The following ZFYVE28 variants were observed in gnomAD, a reference collection of about 807,000 sequenced individuals.
The protein encoded by ZFYVE28 is zinc finger FYVE-type containing 28.
In ZFYVE28, 40 loss-of-function variants were observed where a neutral mutation model predicts 82.1. The observed-to-expected ratio is 0.49, with a 90% CI of 0.38 to 0.63. The LOEUF (loss-of-function observed/expected upper bound fraction) is 0.63. ZFYVE28 is among the 30% of genes least tolerant of loss of function. ZFYVE28 has a pLI of 0.00. For synonymous variants in ZFYVE28, 612 were observed against 546.1 expected, an observed-to-expected ratio of 1.12 and a Z score of -1.68; for missense variants, 1,321 against 1,242.1, an observed-to-expected ratio of 1.06 and a Z score of -0.96.
At position 2,305,113 on chromosome 4, in the gene ZFYVE28, C is replaced by G; in HGVS notation, c.1227G>C (p.Thr409=). 6.3e-7 allele frequency: 1 copy of G among 1,597,868 alleles called. No individual in the cohort carries two copies. The highest frequency in any genetic ancestry group is 8.5e-7 in the Non-Finnish European group (1 of 1,171,404). The change falls in exon 8 of 13, where the codon ACG becomes ACC. Residue 409 remains threonine (T), a synonymous_variant. Coordinates refer to ENST00000290974, the MANE Select transcript of ZFYVE28 (RefSeq NM_020972.3). ...RVFFMDDVEG[T]AEALARPESP... is the part of the protein sequence containing the mutation. ...ACTCGGGCCTGGCCAGGGCTTCTGC[C>G]GTCCCCTCCACGTCATCCATGAAGA... is the stretch of plus-strand genomic sequence containing the variant.
chr4:2,303,764 A>G (rs28450450), intron 8 of ZFYVE28, among the ~76,000 whole-genome samples: 6,761 of 152,266 alleles, frequency 0.044, 486 homozygotes, highest in African/African-American at 0.15. Flanking sequence ...GGGTGGTCTC[A>G]GCACCCCTCA....
rs185891805 is a variant in ZFYVE28, at chr4:2,313,161, A to C, written c.803+7009T>G. ...ACCTGGCTCACTAAAGTCAGAGTAC[A>C]TATTATGAATACTTTCTGTCTTTGA... On this transcript the variant is annotated intron_variant, in intron 7 of 12. Transcript: ENST00000290974. Among the ~76,000 whole-genome samples the C allele has an allele frequency of 5.2e-3, 791 of 150,692 alleles. 8 individuals carry two copies. The highest frequency in any genetic ancestry group is 0.018 in the African/African-American group (738 of 40,868).
At chr4:2,279,927 T>A (rs922185203) in intron 8 of ZFYVE28, among the ~76,000 whole-genome samples, 2 of 152,114 alleles carry the variant, frequency 1.3e-5, no homozygotes, top group Non-Finnish European at 2.9e-5. Context: ...TGGGGAGGGT[T>A]TTTCTTTATG....
At chr4:2,350,644 G>A (rs933551626) in intron 2 of ZFYVE28, among the ~76,000 whole-genome samples, 18 of 152,140 alleles carry the variant, frequency 1.2e-4, no homozygotes, top group East Asian at 7.7e-4. Flanking sequence ...GAAGATCAAC[G>A]CATGTTAGAG....
intron 1 of ZFYVE28, among the ~76,000 whole-genome samples, chr4:2,395,474 G>C (rs1430731537): frequency 6.6e-6 from 1 of 152,172 alleles, no homozygotes; most frequent in East Asian, 1.9e-4. Context: ...CAGGCACCAG[G>C]TCCAGGTCGT....
At chr4:2,393,213 C>T (rs985645977) in intron 1 of ZFYVE28, among the ~76,000 whole-genome samples, 7 of 152,360 alleles carry the variant, frequency 4.6e-5, no homozygotes, top group Admixed American at 2.0e-4. Flanking sequence ...TCACCGCATC[C>T]GCTGCATAAA....
At chr4:2,302,111 G>A (rs776468896) in intron 8 of ZFYVE28, among the ~76,000 whole-genome samples, 36 of 152,248 alleles carry the variant, frequency 2.4e-4, no homozygotes, top group Non-Finnish European at 4.1e-4. Context: ...AGTGCTTGTA[G>A]CAGGAGGCCC....
chr4:2,288,589 T>C (rs1713122423), intron 8 of ZFYVE28, among the ~76,000 whole-genome samples: 1 of 152,182 alleles, frequency 6.6e-6, no homozygotes, highest in East Asian at 1.9e-4. Context: ...AGTCACAGGT[T>C]AGGCAGTGTG....
At chr4:2,275,147 T>C (rs2108799199) in intron 8 of ZFYVE28, among the ~76,000 whole-genome samples, 1 of 152,164 alleles carries the variant, frequency 6.6e-6, no homozygotes, top group East Asian at 1.9e-4. Flanking sequence ...GACCTCAGGC[T>C]CTGTCCGTGG....
chr4:2,358,883 C>A (rs111416264), intron 1 of ZFYVE28, among the ~76,000 whole-genome samples: 2,204 of 151,998 alleles, frequency 0.015, 49 homozygotes, highest in African/African-American at 0.05. Context: ...CTCACTGCAA[C>A]CTCCGCCTCC....
chr4:2,301,670 C>A (rs929198234), intron 8 of ZFYVE28, among the ~76,000 whole-genome samples: 1 of 152,060 alleles, frequency 6.6e-6, no homozygotes, highest in South Asian at 2.1e-4. Flanking sequence ...CCCCCCACCA[C>A]CCCCAGCAGC....
intron 8 of ZFYVE28, among the ~76,000 whole-genome samples, chr4:2,296,646 G>A (rs1714611464): frequency 6.6e-6 from 1 of 152,138 alleles, no homozygotes; most frequent in African/African-American, 2.4e-5. Flanking sequence ...AGCCTAGCAA[G>A]CACCTGCCAC....
Position 2,271,359 on chromosome 4 carries a change from T to C in ZFYVE28, c.2484A>G (p.Ala828=). 1 of 1,612,630 alleles carries C rather than the reference T, an allele frequency of 6.2e-7. No homozygotes were observed. The highest frequency in any genetic ancestry group is 1.3e-5 in the African/African-American group (1 of 75,030). ...EACGFCTACK[A]PFTVIRRKHH... ...GCTTCCGGCGGATGACGGTGAAGGG[T>C]GCTTTGCACGCCGTGCAGAAGCCAC... is the stretch of plus-strand genomic sequence containing the variant. The change falls in exon 12 of 13, where the codon GCA becomes GCG. Residue 828 remains alanine (A), a synonymous_variant. Coordinates refer to ENST00000290974, the MANE Select transcript of ZFYVE28 (RefSeq NM_020972.3).
chr4:2,290,786 C>G (rs1016384401), intron 8 of ZFYVE28, among the ~76,000 whole-genome samples: 2 of 152,128 alleles, frequency 1.3e-5, no homozygotes, highest in Non-Finnish European at 2.9e-5. Flanking sequence ...AGTCCAAGCA[C>G]AAGCCGAGCA....
chr4:2,403,908 G>T (rs1294342069), intron 1 of ZFYVE28, among the ~76,000 whole-genome samples: 1 of 151,530 alleles, frequency 6.6e-6, no homozygotes, highest in Non-Finnish European at 1.5e-5. Flanking sequence ...GGCAGAGGTT[G>T]CAGCGAGCAG....
intron 8 of ZFYVE28, among the ~76,000 whole-genome samples, chr4:2,291,783 G>A (rs535278022): frequency 5.9e-5 from 9 of 152,352 alleles, no homozygotes; most frequent in Admixed American, 5.2e-4. Flanking sequence ...CGCCTGGCTG[G>A]TGGAGGACAT....
At chr4:2,365,929 G>A (rs1222301495) in intron 1 of ZFYVE28, among the ~76,000 whole-genome samples, 1 of 152,228 alleles carries the variant, frequency 6.6e-6, no homozygotes, top group Non-Finnish European at 1.5e-5. Flanking sequence ...AGGGGTGGAG[G>A]TGGCAGAGCA....
intron 1 of ZFYVE28, among the ~76,000 whole-genome samples, chr4:2,379,915 G>A (rs1728554744): frequency 6.6e-6 from 1 of 151,886 alleles, no homozygotes; most frequent in Non-Finnish European, 1.5e-5. Context: ...AGCCTCCCAA[G>A]TATCTGGGAT....
intron 7 of ZFYVE28, among the ~76,000 whole-genome samples, chr4:2,311,419 G>C (rs764982732): frequency 3.1e-4 from 47 of 152,078 alleles, no homozygotes; most frequent in Non-Finnish European, 8.8e-5. Flanking sequence ...CCAGCTACTT[G>C]GGAGGCTGAG....
Sources: gnomAD v4.1 joint callset for allele counts (sites outside exome capture counted in the v4.1 genomes callset) on GRCh38, gnomAD v4.1.1 for gene constraint, MANE v1.5 for transcripts, NCBI Gene and HGNC (gene_info 2026-07-23, HGNC 2026-07-21) for gene names.